Variants in STK32A observed in about 807,000 individuals in gnomAD.
STK32A encodes serine/threonine kinase 32A, also known as serine/threonine-protein kinase 32A.
In STK32A, 41 loss-of-function variants were observed where a neutral mutation model predicts 53.2. The ratio of observed to expected loss-of-function variants is 0.77; its 90% CI spans 0.60 to 1.00. STK32A has a LOEUF of 1.00. STK32A is among the 50% of genes least tolerant of loss of function. STK32A has a pLI of 0.00. For synonymous variants in STK32A, 166 were observed against 162.8 expected (o/e 1.02, Z -0.15); for missense variants, 458 against 485.8 (o/e 0.94, Z 0.54).
At position 147,383,473 on chromosome 5, in the gene STK32A, C is replaced by G; in HGVS notation, c.1065C>G (p.Val355=). The part of the protein sequence containing the change: ...TCLLQEHLDS[V]QKEFIIFNRE... ...TTCTTCAAGAGCACCTTGACTCTGT[C>G]CAGAAGGAGTTCATAATTTTCAACA... The change falls in exon 12 of 13, where the codon GTC becomes GTG. Residue 355 remains valine (V), a synonymous_variant. Coordinates refer to ENST00000397936, the MANE Select transcript of STK32A (RefSeq NM_001112724.2). 5.0e-6 allele frequency: 8 copies of G among 1,597,238 alleles called. No homozygotes were observed. Among genetic ancestry groups the G allele is most frequent in the Non-Finnish European group, 6.8e-6 (8 of 1,171,526 alleles).
chr5:147,377,367 G>A (rs990326283), intron 11 of STK32A, among the ~76,000 whole-genome samples: 8 of 152,042 alleles, frequency 5.3e-5, no homozygotes, highest in South Asian at 2.1e-4. Context: ...TATTCAAGAC[G>A]GTTGTTTTAA....
chr5:147,239,912 C>T, intron 2 of STK32A: 2 of 506,028 alleles, frequency 4.0e-6, no homozygotes, highest in Non-Finnish European at 7.0e-6. Flanking sequence ...TACCAATGTC[C>T]TTTGTCCAAA....
rs148465574 is a variant in STK32A at position 147,247,812 on chromosome 5, T to C, written c.52+8126T>C. Among the ~76,000 whole-genome samples the C allele has an allele frequency of 6.6e-3, 1,007 of 152,278 alleles. 8 individuals carry two copies. Among genetic ancestry groups the C allele is most frequent in the African/African-American group, 0.022 (924 of 41,556 alleles). ...GATCAAATATTATTCTTTTGATTTT[T>C]TTCCAATCAATAAAAAGTGTAAAAA... On this transcript the variant is annotated intron_variant, in intron 2 of 12. Transcript: ENST00000397936.
the STK32A span, among the ~76,000 whole-genome samples, chr5:147,398,632 T>C: frequency 6.6e-6 from 1 of 152,174 alleles, no homozygotes; most frequent in Non-Finnish European, 1.5e-5. Flanking sequence ...ATCACTGCTG[T>C]TTACCAGTTA....
chr5:147,351,586 C>T lies in STK32A; in HGVS notation c.562+432C>T, dbSNP rs568724487. On this transcript the variant is annotated intron_variant, in intron 7 of 12. Transcript: ENST00000397936. Reference sequence around the variant, plus strand: ...AAACAAGGCCGGGCATGGTGGCTCACGCCTGTAATCCCAGCACTTTGGGAG... The same window carrying T: ...AAACAAGGCCGGGCATGGTGGCTCATGCCTGTAATCCCAGCACTTTGGGAG... Among the ~76,000 whole-genome samples the T allele has an allele frequency of 5.3e-5, 8 of 152,006 alleles. No individual in the cohort carries two copies. The South Asian group carries it at 8.3e-4, about 16-fold the overall frequency.
At chr5:147,371,369 T>C (rs1450365312) in intron 9 of STK32A, among the ~76,000 whole-genome samples, 1 of 152,202 alleles carries the variant, frequency 6.6e-6, no homozygotes, top group African/African-American at 2.4e-5. Context: ...AAGCCTTGTT[T>C]TGGACTTTTG....
chr5:147,255,212 T>A lies in STK32A; in HGVS notation c.52+15526T>A, dbSNP rs142811724. Among the ~76,000 whole-genome samples, 437 of 152,304 alleles carry A rather than the reference T, an allele frequency of 2.9e-3. 1 individual carries two copies. Among genetic ancestry groups the A allele is most frequent in the African/African-American group, 1.0e-2 (415 of 41,556 alleles). The stretch of plus-strand genomic sequence containing the variant: ...AAGTCTTTGAAAAGAAATTTAGAAC[T>A]CATATCTAACAATCCCTCCCCTTGT... On this transcript the variant is annotated intron_variant, in intron 2 of 12. Coordinates refer to ENST00000397936, the MANE Select transcript of STK32A (RefSeq NM_001112724.2).
rs748010680 is a variant in STK32A at position 147,339,075 on chromosome 5, C to T, written c.435-3931C>T. On this transcript the variant is annotated intron_variant, in intron 5 of 12. Coordinates refer to ENST00000397936, the MANE Select transcript of STK32A (RefSeq NM_001112724.2). ...AGGAGCAAAATGTTAATGGCCAAGA[C>T]GATGGGGAAAATGTCTCCAGGGCAT... Among the ~76,000 whole-genome samples, 16 of 152,254 alleles carry T rather than the reference C, an allele frequency of 1.1e-4. No individual in the cohort carries two copies. The South Asian group carries it at 2.3e-3, about 22-fold the overall frequency.
intron 11 of STK32A, among the ~76,000 whole-genome samples, chr5:147,378,706 GCTCT>G (rs1221449708): frequency 6.6e-6 from 1 of 151,856 alleles, no homozygotes; most frequent in Non-Finnish European, 1.5e-5. Context: ...TCTATTCTGA[GCTCT>G]CTGAGTTCTC....
intron 4 of STK32A, among the ~76,000 whole-genome samples, chr5:147,320,047 A>G (rs1754227732): frequency 1.3e-5 from 2 of 152,190 alleles, no homozygotes; most frequent in Admixed American, 1.3e-4. Flanking sequence ...AAAAAAAATC[A>G]TAACGTTTAA....
chr5:147,400,720 C>T, the STK32A span: 9 of 1,614,102 alleles, frequency 5.6e-6, no homozygotes, highest in Non-Finnish European at 7.6e-6. Context: ...GACAGACATC[C>T]GCTCCTCCAC....
At chr5:147,241,236 T>G (rs923080120) in intron 2 of STK32A, among the ~76,000 whole-genome samples, 2 of 152,162 alleles carry the variant, frequency 1.3e-5, no homozygotes, top group African/African-American at 4.8e-5. Flanking sequence ...CCCAGCACTT[T>G]GGGAGGCCGA....
chr5:147,380,500 T>C (rs977283408), intron 11 of STK32A, among the ~76,000 whole-genome samples: 1 of 151,154 alleles, frequency 6.6e-6, no homozygotes, highest in Non-Finnish European at 1.5e-5. Context: ...GACTGAATGA[T>C]TTTTTTTAAA....
intron 4 of STK32A, among the ~76,000 whole-genome samples, chr5:147,284,702 AAC>A (rs1265839647): frequency 1.2e-4 from 4 of 34,198 alleles, no homozygotes; most frequent in Non-Finnish European, 2.9e-4. Flanking sequence ...AAAACAAAAA[AAC>A]AACAAAAAAA....
chr5:147,337,454 GGGTTGTTTTGGGGGTGGGGATT>G (rs1441730586), intron 5 of STK32A, among the ~76,000 whole-genome samples: 11 of 152,128 alleles, frequency 7.2e-5, no homozygotes, highest in Non-Finnish European at 2.9e-5. Context: ...GGGTTTGTTT[GGGTTGTTTTGGGGGTGGGGATT>G]GGTTGTTTTG....
intron 10 of STK32A, among the ~76,000 whole-genome samples, chr5:147,373,551 G>C (rs1691411683): frequency 6.6e-6 from 1 of 151,982 alleles, no homozygotes; most frequent in South Asian, 2.1e-4. Context: ...CACTTTTTAT[G>C]GTCTGTTTTT....
intron 2 of STK32A, among the ~76,000 whole-genome samples, chr5:147,271,553 C>T (rs1056956780): frequency 6.6e-6 from 1 of 152,158 alleles, no homozygotes; most frequent in Non-Finnish European, 1.5e-5. Context: ...CGATATTTCT[C>T]TTCTTTCAAA....
chr5:147,284,864 A>G (rs183699177), intron 4 of STK32A, among the ~76,000 whole-genome samples: 1 of 152,214 alleles, frequency 6.6e-6, no homozygotes. Flanking sequence ...ATTGTGAAAA[A>G]TAACCATACT....
chr5:147,339,996 C>T (rs941911232), intron 5 of STK32A, among the ~76,000 whole-genome samples: 4 of 152,156 alleles, frequency 2.6e-5, no homozygotes, highest in African/African-American at 9.7e-5. Flanking sequence ...GGGGAATTCC[C>T]AGAACTGAGG....
Sources: allele counts gnomAD v4.1 joint callset (sites outside exome capture counted in the v4.1 genomes callset), GRCh38; gene constraint gnomAD v4.1.1; transcripts MANE v1.5; gene names NCBI Gene and HGNC (gene_info 2026-07-23, HGNC 2026-07-21).